DSCAM: variants seen among roughly 807,000 people sequenced by gnomAD.
The protein encoded by DSCAM is DS cell adhesion molecule.
DSCAM carries 47 observed loss-of-function variants against 217.7 expected under a neutral mutation model. The observed-to-expected ratio is 0.22, with a 90% CI of 0.17 to 0.28. The LOEUF (loss-of-function observed/expected upper bound fraction) is 0.28, where lower values mean the gene tolerates loss of function less well. DSCAM is among the 10% of genes least tolerant of loss of function. The pLI is 1.00. For missense variants in DSCAM, 2,080 were observed against 2,618.3 expected, an observed-to-expected ratio of 0.79 and a Z score of 4.49; for synonymous variants, 1,056 against 1,015.3, an observed-to-expected ratio of 1.04 and a Z score of -0.76.
At chr21:40,464,894 C>T (rs1276355098) in intron 3 of DSCAM, among the ~76,000 whole-genome samples, 2 of 152,168 alleles carry the variant, frequency 1.3e-5, no homozygotes, top group East Asian at 1.9e-4. Context: ...GCACACATCA[C>T]CATGCCCAGC....
At chr21:40,511,870 A>G (rs1020949194) in intron 3 of DSCAM, among the ~76,000 whole-genome samples, 17 of 151,656 alleles carry the variant, frequency 1.1e-4, no homozygotes, top group Non-Finnish European at 8.8e-5. Flanking sequence ...AGGCGCCTGT[A>G]GTCCCAGCTA....
At chr21:40,192,463 C>T (rs1419976220) in intron 11 of DSCAM, among the ~76,000 whole-genome samples, 6 of 152,102 alleles carry the variant, frequency 3.9e-5, no homozygotes, top group South Asian at 4.1e-4. Context: ...CCCTTCCTGC[C>T]GCCATGTGAA....
In DSCAM at chr21:40,195,700, C is replaced by A. The variant is rs140699387; in HGVS notation, c.2357-6462G>T. 3.5e-3 allele frequency among the ~76,000 whole-genome samples: 529 copies of A among 152,246 alleles called. 5 individuals carry two copies. Among genetic ancestry groups the A allele is most frequent in the African/African-American group, 0.012 (511 of 41,542 alleles). On this transcript the variant is annotated intron_variant, in intron 11 of 32. Transcript: ENST00000400454. ...GGGTGTGGAGCCAAGAACGAGGCAG[C>A]ATAAACCTGGCCCAATGCCCAAGAT...
At chr21:40,337,480 T>C (rs1211708477) in intron 8 of DSCAM, among the ~76,000 whole-genome samples, 2 of 152,236 alleles carry the variant, frequency 1.3e-5, no homozygotes, top group South Asian at 4.1e-4. Flanking sequence ...TGGATGAGTC[T>C]GATCACCTTA....
chr21:40,639,517 A>T (rs897170808), intron 3 of DSCAM, among the ~76,000 whole-genome samples: 91 of 152,206 alleles, frequency 6.0e-4, no homozygotes, highest in African/African-American at 2.1e-3. Context: ...AATTTGAACG[A>T]TTTTGAAAGA....
Position 40,189,194 on chromosome 21 carries a change from G to C in DSCAM, c.2401C>G (p.Gln801Glu). The C allele has an allele frequency of 1.2e-6, 2 of 1,612,624 alleles. No homozygotes were observed. The highest frequency in any genetic ancestry group is 1.7e-6 in the Non-Finnish European group (2 of 1,179,504). Residue 801 changes from glutamine to glutamate, a missense_variant, in exon 12 of 33, where the codon CAG (glutamine) becomes GAG (glutamate). Gln to Glu is a conservative substitution (Grantham distance 29). Transcript: ENST00000400454. The part of the protein sequence containing the change: ...TSYPNTTLAT[Q>E]GQKKEMSCTA... ...CAGCTCATCTCCTTTTTCTGCCCCT[G>C]CGTGGCCAGGGTAGTATTTGGATAG...
At chr21:40,305,985 A>T (rs1208458048) in intron 9 of DSCAM, among the ~76,000 whole-genome samples, 1 of 152,050 alleles carries the variant, frequency 6.6e-6, no homozygotes, top group African/African-American at 2.4e-5. Context: ...GAAGAAAGTC[A>T]TTGGTAGCTT....
At chr21:40,457,749 G>T (rs2075775427) in intron 3 of DSCAM, among the ~76,000 whole-genome samples, 1 of 152,140 alleles carries the variant, frequency 6.6e-6, no homozygotes, top group African/African-American at 2.4e-5. Flanking sequence ...TGCTACATAT[G>T]CCTCCCTTTG....
intron 3 of DSCAM, among the ~76,000 whole-genome samples, chr21:40,578,073 C>A (rs1330424576): frequency 6.6e-6 from 1 of 152,152 alleles, no homozygotes; most frequent in Non-Finnish European, 1.5e-5. Flanking sequence ...TTGGGCATTA[C>A]ATTAGAAAAC....
At chr21:40,717,513 A>C (rs540760048) in intron 1 of DSCAM, among the ~76,000 whole-genome samples, 1 of 152,380 alleles carries the variant, frequency 6.6e-6, no homozygotes, top group South Asian at 2.1e-4. Context: ...AACTAGAGTG[A>C]AGAACTGGCA....
intron 3 of DSCAM, among the ~76,000 whole-genome samples, chr21:40,688,227 G>C (rs991799405): frequency 6.6e-6 from 1 of 152,190 alleles, no homozygotes; most frequent in Non-Finnish European, 1.5e-5. Flanking sequence ...CCTGGGCTGT[G>C]TCTTTGATGT....
intron 3 of DSCAM, among the ~76,000 whole-genome samples, chr21:40,630,357 T>C (rs1479817635): frequency 1.3e-5 from 2 of 152,224 alleles, no homozygotes; most frequent in African/African-American, 2.4e-5. Context: ...TTTTATGTTA[T>C]GTATATTTTA....
intron 3 of DSCAM, among the ~76,000 whole-genome samples, chr21:40,588,298 T>C (rs1041530246): frequency 6.6e-6 from 1 of 152,224 alleles, no homozygotes; most frequent in Non-Finnish European, 1.5e-5. Flanking sequence ...ACATCACAAT[T>C]ACTTTTGCAC....
chr21:40,133,835 C>T lies in DSCAM; in HGVS notation c.3562+19G>A, dbSNP rs2090179169. The T allele has an allele frequency of 3.2e-6, 5 of 1,583,322 alleles. No homozygotes were observed. In the South Asian group the frequency reaches 3.5e-5, roughly 11 times the overall value. Reference sequence around the variant, plus strand: ...CCCTTCCAGCAACTGCTGGGACCCACCGCCCACCCGTCTCTCACCATCCTC... The same window carrying T: ...CCCTTCCAGCAACTGCTGGGACCCATCGCCCACCCGTCTCTCACCATCCTC... On this transcript the variant is annotated intron_variant, in intron 19 of 32. Transcript: ENST00000400454.
chr21:40,096,121 T>C (rs1359158491), intron 20 of DSCAM, among the ~76,000 whole-genome samples: 1 of 152,172 alleles, frequency 6.6e-6, no homozygotes, highest in Admixed American at 6.5e-5. Context: ...CTGAGATAGA[T>C]GCATATCTGA....
chr21:40,697,639 G>C (rs1412342908), intron 2 of DSCAM, among the ~76,000 whole-genome samples: 1 of 152,110 alleles, frequency 6.6e-6, no homozygotes, highest in Non-Finnish European at 1.5e-5. Context: ...AAATGATTTG[G>C]GTATAAGCGC....
Position 40,292,075 on chromosome 21 carries a change from A to G in DSCAM, c.2182+3980T>C, listed in dbSNP as rs550105106. Among the ~76,000 whole-genome samples, 100 of 151,584 alleles carry G rather than the reference A, an allele frequency of 6.6e-4. No homozygotes were observed. The South Asian group carries it at 0.02, about 31-fold the overall frequency. On this transcript the variant is annotated intron_variant, in intron 10 of 32. Coordinates refer to ENST00000400454, the MANE Select transcript of DSCAM (RefSeq NM_001389.5). ...TGAAGCCCTGATTTTTTTTTTTTAA[A>G]TCTCTTTTAGGCAAGAGGCCTCATT...
Position 40,342,639 on chromosome 21 carries a change from TATATA to T in DSCAM, c.1211-3229_1211-3225del, listed in dbSNP as rs1569074433. ...GTGTGTGTGTGTGTATATATATATA[TATATA>T]TATATTTTTTTTTTTTTTTTGAGAC... On this transcript the variant is annotated intron_variant, in intron 6 of 32. Coordinates refer to ENST00000400454, the MANE Select transcript of DSCAM (RefSeq NM_001389.5). Among the ~76,000 whole-genome samples the T allele has an allele frequency of 1.8e-3, 186 of 100,590 alleles. 2 individuals carry two copies. The highest frequency in any genetic ancestry group is 7.0e-3 in the African/African-American group (176 of 25,274). 66.0% of individuals were successfully genotyped at this position (100,590 alleles called of 152,430 possible). A position where few individuals can be genotyped will look rare whatever the true frequency, so the allele number is the denominator to read the frequency against.
intron 1 of DSCAM, among the ~76,000 whole-genome samples, chr21:40,828,731 C>T (rs1466672247): frequency 6.6e-6 from 1 of 150,620 alleles, no homozygotes. Context: ...TCTCAGCTCA[C>T]TGCAACCTCC....
Sources: allele counts gnomAD v4.1 joint callset (sites outside exome capture counted in the v4.1 genomes callset), GRCh38; gene constraint gnomAD v4.1.1; transcripts MANE v1.5; gene names NCBI Gene and HGNC (gene_info 2026-07-23, HGNC 2026-07-21).